Variants in DMXL2 observed in about 807,000 individuals in gnomAD.
DMXL2 encodes the protein Dmx like 2.
A neutral mutation model predicts 331.1 loss-of-function variants in DMXL2; 103 were observed. The observed-to-expected ratio is 0.31, with a 90% CI of 0.27 to 0.37. The LOEUF (loss-of-function observed/expected upper bound fraction) is 0.37. DMXL2 is among the 10% of genes least tolerant of loss of function. The pLI, the probability that DMXL2 is intolerant of heterozygous loss-of-function variation, is 1.00. For missense variants in DMXL2, 3,171 were observed against 3,642.9 expected, an observed-to-expected ratio of 0.87 and a Z score of 3.33; for synonymous variants, 1,281 against 1,252.1, an observed-to-expected ratio of 1.02 and a Z score of -0.49.
rs139670739 is a variant in DMXL2, at chr15:51,480,668, C to T, written c.6438G>A (p.Ser2146=). ...GGAGATCTTGGTTTTTCTGCAACCACGACTTTCGTCTTTCTGCATGCTCTC... is the reference window on the plus strand; with the variant it reads ...GGAGATCTTGGTTTTTCTGCAACCATGACTTTCGTCTTTCTGCATGCTCTC... ...AKREHAERRK[S]WLQKNQDLLR... is the part of the protein sequence containing the mutation. Residue 2146 remains serine, a synonymous_variant, in exon 24 of 44, where the codon TCG becomes TCA. Coordinates refer to ENST00000560891, the MANE Select transcript of DMXL2 (RefSeq NM_001378457.1). 606 of 1,612,652 alleles carry T rather than the reference C, an allele frequency of 3.8e-4. 1 individual carries two copies. The highest frequency in any genetic ancestry group is 4.8e-4 in the Non-Finnish European group (569 of 1,178,966).
intron 29 of DMXL2, 25 bp downstream of exon 29, chr15:51,471,198 A>C (rs1290236371): frequency 6.3e-7 from 1 of 1,597,972 alleles, no homozygotes; most frequent in Non-Finnish European, 8.6e-7. Context: ...CTTCTCTTAA[A>C]GCTTGCATTC....
intron 42 of DMXL2, chr15:51,450,640 C>T: frequency 2.7e-6 from 1 of 373,048 alleles, no homozygotes; most frequent in East Asian, 6.4e-5. Context: ...TACAGAAGAG[C>T]AGAGACCAAC....
At chr15:51,616,905 C>T (rs937757515) in intron 1 of DMXL2, among the ~76,000 whole-genome samples, 3 of 142,612 alleles carry the variant, frequency 2.1e-5, no homozygotes, top group Non-Finnish European at 4.5e-5. Context: ...CCACTGCACT[C>T]CAGCCTGGGT....
At position 51,498,642 on chromosome 15, in the gene DMXL2, G is replaced by T; in HGVS notation, c.4582C>A (p.Arg1528Ser). The change falls in exon 18 of 44, where the codon CGT becomes AGT. Residue 1528 changes from arginine (R) to serine (S), a missense_variant. By Grantham distance (110) the Arg-to-Ser change is moderately radical. Transcript: ENST00000560891. ...LMHSSLPGLT[R>S]LEQMFLVALA... Reference sequence around the variant, plus strand: ...GCTACAAGGAACATCTGCTCCAAACGGGTAAGGCCTGGTAGACTTGAGTGC... The same window carrying T: ...GCTACAAGGAACATCTGCTCCAAACTGGTAAGGCCTGGTAGACTTGAGTGC... 2 of 1,614,096 alleles carry T rather than the reference G, an allele frequency of 1.2e-6. No homozygotes were observed. The highest frequency in any genetic ancestry group is 1.7e-6 in the Non-Finnish European group (2 of 1,180,000).
At chr15:51,459,335 G>C (rs2039928317) in intron 34 of DMXL2, 1 of 249,946 alleles carries the variant, frequency 4.0e-6, no homozygotes, top group Non-Finnish European at 8.2e-6. Flanking sequence ...GCAGAATCAA[G>C]AAGATGAAAC....
At chr15:51,566,367 G>A (rs943378601) in intron 3 of DMXL2, among the ~76,000 whole-genome samples, 3 of 151,876 alleles carry the variant, frequency 2.0e-5, no homozygotes, top group East Asian at 1.9e-4. Context: ...TACCACTGCT[G>A]ACCAAACAAC....
Position 51,449,099 on chromosome 15 carries a change from T to C in DMXL2, c.9062A>G (p.Gln3021Arg). Residue 3021 changes from glutamine (Q) to arginine (R), a missense_variant, in exon 44 of 44, where the codon CAG becomes CGG. Transcript: ENST00000560891. The stretch of plus-strand genomic sequence containing the variant: ...CCGATTGCCCTGGATGATGTCAATC[T>C]GCATGACTCCAGCCCCAATGTTTCG... Reference protein sequence around the residue: ...IFRNIGAGVMQIDIIQGNRLF... With the variant: ...IFRNIGAGVMRIDIIQGNRLF... The C allele has an allele frequency of 1.2e-6, 2 of 1,614,232 alleles. No homozygotes were observed. The highest frequency in any genetic ancestry group is 1.7e-6 in the Non-Finnish European group (2 of 1,180,032).
chr15:51,545,906 C>T (rs1404904090), intron 7 of DMXL2, 140 bp from the exon 8 acceptor site: 11 of 615,744 alleles, frequency 1.8e-5, no homozygotes, highest in Non-Finnish European at 2.2e-5. Flanking sequence ...AGCTTGAAAT[C>T]ATATATAGCA....
chr15:51,520,297 C>T (rs2047281806), intron 13 of DMXL2, among the ~76,000 whole-genome samples: 1 of 152,210 alleles, frequency 6.6e-6, no homozygotes, highest in South Asian at 2.1e-4. Context: ...TTAAATGTTG[C>T]TTCTAACTAT....
chr15:51,547,706 G>T (rs2048964601), intron 6 of DMXL2, among the ~76,000 whole-genome samples: 1 of 152,088 alleles, frequency 6.6e-6, no homozygotes. Context: ...TCTGATGCTA[G>T]CCCCTTGAAT....
intron 13 of DMXL2, among the ~76,000 whole-genome samples, chr15:51,532,721 A>T (rs1433800644): frequency 6.6e-6 from 1 of 152,236 alleles, no homozygotes; most frequent in Non-Finnish European, 1.5e-5. Context: ...ATATGTAATG[A>T]TCAAAGACTG....
chr15:51,607,470 GA>G (rs1218005359), intron 1 of DMXL2, among the ~76,000 whole-genome samples: 1 of 149,264 alleles, frequency 6.7e-6, no homozygotes, highest in East Asian at 2.0e-4. Context: ...AAAGAAAAAA[GA>G]AAAAAAAAGA....
At chr15:51,611,570 A>T (rs2053970940) in intron 1 of DMXL2, among the ~76,000 whole-genome samples, 1 of 152,170 alleles carries the variant, frequency 6.6e-6, no homozygotes, top group Non-Finnish European at 1.5e-5. Flanking sequence ...ACAAGGGCAT[A>T]TGTTACTTTT....
At chr15:51,524,744 T>G (rs954366458) in intron 13 of DMXL2, among the ~76,000 whole-genome samples, 1 of 152,106 alleles carries the variant, frequency 6.6e-6, no homozygotes. Context: ...TGTCTGAGCT[T>G]GATTCCCCAA....
At chr15:51,611,068 G>A (rs2053935479) in intron 1 of DMXL2, among the ~76,000 whole-genome samples, 1 of 151,760 alleles carries the variant, frequency 6.6e-6, no homozygotes, top group South Asian at 2.1e-4. Context: ...GCTCAATAAG[G>A]TAGGGGAAAA....
intron 33 of DMXL2, chr15:51,460,701 T>C (rs1424341471): frequency 6.6e-6 from 1 of 152,204 alleles, no homozygotes; most frequent in East Asian, 1.9e-4. Flanking sequence ...TATTTGACAA[T>C]TTTAAAGATG....
At chr15:51,619,659 T>C (rs1182264689) in intron 1 of DMXL2, among the ~76,000 whole-genome samples, 3 of 152,248 alleles carry the variant, frequency 2.0e-5, no homozygotes, top group Non-Finnish European at 2.9e-5. Flanking sequence ...AATTCTGTTC[T>C]TCAAAGATGT....
At chr15:51,519,164 CTTCTT>C (rs2047201939) in intron 13 of DMXL2, among the ~76,000 whole-genome samples, 1 of 151,932 alleles carries the variant, frequency 6.6e-6, no homozygotes, top group Non-Finnish European at 1.5e-5. Flanking sequence ...GGTTAACATT[CTTCTT>C]TTCTTTTTTC....
chr15:51,556,063 G>T (rs1335101832), intron 6 of DMXL2, among the ~76,000 whole-genome samples: 1 of 151,994 alleles, frequency 6.6e-6, no homozygotes, highest in African/African-American at 2.4e-5. Context: ...AGCAGATCAG[G>T]CCGGGCGCGG....
Sources: allele counts gnomAD v4.1 joint callset (sites outside exome capture counted in the v4.1 genomes callset), GRCh38; gene constraint gnomAD v4.1.1; transcripts MANE v1.5; gene names NCBI Gene and HGNC (gene_info 2026-07-23, HGNC 2026-07-21).